Variants in WWP1 observed in about 807,000 individuals in gnomAD.
WWP1 encodes the protein NEDD4-like E3 ubiquitin-protein ligase WWP1.
Under a neutral mutation model 130.6 loss-of-function variants are expected in WWP1, and 49 were observed. The observed-to-expected ratio is 0.38, with a 90% CI of 0.30 to 0.48. The LOEUF (loss-of-function observed/expected upper bound fraction) is 0.48. Among genes scored for constraint, WWP1 ranks in the 20% least tolerant of loss-of-function variants. The pLI is 0.99. For synonymous variants in WWP1, 332 were observed against 367.8 expected (o/e 0.90, Z 1.11); for missense variants, 809 against 1,100.6 (o/e 0.74, Z 3.75).
intron 5 of WWP1, among the ~76,000 whole-genome samples, chr8:86,398,013 C>T (rs1175165648): frequency 6.6e-6 from 1 of 152,182 alleles, no homozygotes; most frequent in African/African-American, 2.4e-5. Context: ...CTTAATCTGA[C>T]TCTTGTGCAG....
intron 3 of WWP1, 48 bp from the exon 4 acceptor site, chr8:86,380,678 A>G (rs1255575149): frequency 6.4e-7 from 1 of 1,564,900 alleles, no homozygotes; most frequent in South Asian, 1.2e-5. Context: ...AGTGTGCAGT[A>G]CTACTTTTTG....
intron 1 of WWP1, among the ~76,000 whole-genome samples, chr8:86,367,836 A>T (rs1475115645): frequency 6.6e-6 from 1 of 152,224 alleles, no homozygotes; most frequent in African/African-American, 2.4e-5. Flanking sequence ...TGTGATAAGC[A>T]CAGTATTAAT....
intron 8 of WWP1, among the ~76,000 whole-genome samples, chr8:86,409,442 G>A (rs1439006706): frequency 6.7e-6 from 1 of 149,848 alleles, no homozygotes; most frequent in African/African-American, 2.4e-5. Context: ...CACCGTGTTG[G>A]TCAGGGTGGT....
chr8:86,418,449 A>G (rs933576200), intron 9 of WWP1, among the ~76,000 whole-genome samples: 1 of 152,100 alleles, frequency 6.6e-6, no homozygotes, highest in Admixed American at 6.5e-5. Flanking sequence ...GGTTCTCATG[A>G]GGTTGCCATC....
At position 86,435,631 on chromosome 8, in the gene WWP1, A is replaced by G. The variant is rs1810248392; in HGVS notation, c.1678-2A>G. 6.2e-7 allele frequency: 1 copy of G among 1,612,848 alleles called. No individual in the cohort carries two copies. Among genetic ancestry groups the G allele is most frequent in the Admixed American group, 1.7e-5 (1 of 59,932 alleles). ...ATATTATGATATTATTTTTGTTTTT[A>G]GTCTAATGCACTACCTAGTCATGTA... On this transcript the variant is annotated splice_acceptor_variant, in intron 15 of 24. Coordinates refer to ENST00000517970, the MANE Select transcript of WWP1 (RefSeq NM_007013.4). LOFTEE classifies it high-confidence loss of function.
At chr8:86,377,252 ATT>A (rs35139758) in intron 3 of WWP1, among the ~76,000 whole-genome samples, 2,357 of 138,856 alleles carry the variant, frequency 0.017, 58 homozygotes, top group African/African-American at 0.057. Flanking sequence ...TTCCTGTCTA[ATT>A]TTTTTTTTTT....
chr8:86,371,414 A>G (rs557727617), intron 2 of WWP1, among the ~76,000 whole-genome samples: 2 of 152,316 alleles, frequency 1.3e-5, no homozygotes, highest in Non-Finnish European at 2.9e-5. Context: ...ATAATGCCAA[A>G]TTATTTTCCA....
At chr8:86,416,191 G>A (rs1303482148) in intron 9 of WWP1, among the ~76,000 whole-genome samples, 2 of 152,214 alleles carry the variant, frequency 1.3e-5, no homozygotes, top group Admixed American at 1.3e-4. Flanking sequence ...CTGTGAGTTG[G>A]GAGTGAATGA....
chr8:86,360,891 C>T lies in WWP1; in HGVS notation c.-114-8048C>T, dbSNP rs139047577. Among the ~76,000 whole-genome samples the T allele has an allele frequency of 1.1e-4, 16 of 152,242 alleles. 1 individual carries two copies. In the East Asian group the frequency reaches 1.9e-3, roughly 18 times the overall value. ...GAAGAGATCATATATAAGTTGAGTTCTAAGACTGAGAAGGCAGCCAAAGGA... is the reference window on the plus strand; with the variant it reads ...GAAGAGATCATATATAAGTTGAGTTTTAAGACTGAGAAGGCAGCCAAAGGA... On this transcript the variant is annotated intron_variant, in intron 1 of 24. Coordinates refer to ENST00000517970, the MANE Select transcript of WWP1 (RefSeq NM_007013.4).
At chr8:86,462,411 T>A (rs1435110767) in intron 24 of WWP1, among the ~76,000 whole-genome samples, 2 of 152,086 alleles carry the variant, frequency 1.3e-5, no homozygotes, top group East Asian at 3.9e-4. Flanking sequence ...ATGAATATGA[T>A]AGGTGTGATT....
At chr8:86,408,779 G>A (rs945818270) in intron 8 of WWP1, among the ~76,000 whole-genome samples, 2 of 152,028 alleles carry the variant, frequency 1.3e-5, no homozygotes, top group African/African-American at 4.8e-5. Flanking sequence ...GTGTGGTGAC[G>A]CATGCCTATA....
intron 18 of WWP1, among the ~76,000 whole-genome samples, chr8:86,446,190 C>T (rs1810866194): frequency 6.7e-6 from 1 of 149,010 alleles, no homozygotes; most frequent in African/African-American, 2.5e-5. Flanking sequence ...CCATGTTGGC[C>T]GGGCTGGTCT....
chr8:86,445,219 A>C (rs994392677), intron 18 of WWP1, among the ~76,000 whole-genome samples: 4 of 152,196 alleles, frequency 2.6e-5, no homozygotes, highest in Admixed American at 1.3e-4. Context: ...TCAGGGGTAC[A>C]TGTGCAGGTT....
Position 86,427,738 on chromosome 8 carries a change from G to A in WWP1, c.1253G>A (p.Arg418Gln), listed in dbSNP as rs747908301. The A allele has an allele frequency of 7.4e-6, 12 of 1,614,006 alleles. No homozygotes were observed. Among genetic ancestry groups the A allele is most frequent in the East Asian group, 2.2e-5 (1 of 44,864 alleles). The change falls in exon 11 of 25, where the codon CGA becomes CAA. Residue 418 changes from arginine (R) to glutamine (Q), a missense_variant. By Grantham distance (43) the Arg-to-Gln change is conservative (BLOSUM62 1). Coordinates refer to ENST00000517970, the MANE Select transcript of WWP1 (RefSeq NM_007013.4). ...TWQRPTMESV[R>Q]NFEQWQSQRN... Reference sequence around the variant, plus strand: ...CAGCGGCCTACCATGGAATCTGTCCGAAATTTTGAACAGTGGCAATCTCAG... The same window carrying A: ...CAGCGGCCTACCATGGAATCTGTCCAAAATTTTGAACAGTGGCAATCTCAG...
At chr8:86,362,534 A>T (rs1823730921) in intron 1 of WWP1, among the ~76,000 whole-genome samples, 1 of 152,072 alleles carries the variant, frequency 6.6e-6, no homozygotes, top group Non-Finnish European at 1.5e-5. Flanking sequence ...CTTAGACATC[A>T]TTATTTTAGG....
At position 86,421,560 on chromosome 8, in the gene WWP1, C is replaced by T. The variant is rs535974848; in HGVS notation, c.1062-3663C>T. On this transcript the variant is annotated intron_variant, in intron 9 of 24. Transcript: ENST00000517970. Reference sequence around the variant, plus strand: ...TGAAAATAGGCCGGGCATGGTGGCTCACGCCTGTAATCTCAGCACTTTGGG... The same window carrying T: ...TGAAAATAGGCCGGGCATGGTGGCTTACGCCTGTAATCTCAGCACTTTGGG... Among the ~76,000 whole-genome samples the T allele has an allele frequency of 7.4e-4, 113 of 152,216 alleles. 1 individual carries two copies. The South Asian group carries it at 8.9e-3, about 12-fold the overall frequency.
At chr8:86,351,306 G>T (rs1444331762) in intron 1 of WWP1, among the ~76,000 whole-genome samples, 1 of 152,070 alleles carries the variant, frequency 6.6e-6, no homozygotes, top group Admixed American at 6.6e-5. Context: ...CTTCGTTTTG[G>T]CATGGGCAGA....
At position 86,395,419 on chromosome 8, in the gene WWP1, A is replaced by G. The variant is rs575979841; in HGVS notation, c.335-2923A>G. 2.0e-5 allele frequency among the ~76,000 whole-genome samples: 3 copies of G among 151,816 alleles called. No homozygotes were observed. The East Asian group carries it at 5.8e-4, about 29-fold the overall frequency. On this transcript the variant is annotated intron_variant, in intron 5 of 24. Transcript: ENST00000517970. ...CCAGATTTTTGAGGAGATATATTTTAAGAGAGAATGGCTGCAGGTTTTTGA... is the reference window on the plus strand; with the variant it reads ...CCAGATTTTTGAGGAGATATATTTTGAGAGAGAATGGCTGCAGGTTTTTGA...
chr8:86,426,056 G>C (rs1330718750), intron 10 of WWP1, among the ~76,000 whole-genome samples: 1 of 152,220 alleles, frequency 6.6e-6, no homozygotes, highest in East Asian at 1.9e-4. Context: ...ATTCAAGGCA[G>C]AGAAATGTTA....
Sources: allele counts gnomAD v4.1 joint callset (sites outside exome capture counted in the v4.1 genomes callset), GRCh38; gene constraint gnomAD v4.1.1; transcripts MANE v1.5; gene names NCBI Gene and HGNC (gene_info 2026-07-23, HGNC 2026-07-21).